SLC2A13: variants seen among roughly 807,000 people sequenced by gnomAD.
The protein encoded by SLC2A13 is proton myo-inositol cotransporter.
A neutral mutation model predicts 64.4 loss-of-function variants in SLC2A13; 32 were observed. The observed-to-expected ratio is 0.50, with a 90% CI of 0.37 to 0.67. SLC2A13 has a LOEUF of 0.67. SLC2A13 is among the 30% of genes least tolerant of loss of function. SLC2A13 has a pLI of 0.00. For synonymous variants in SLC2A13, 338 were observed against 327.1 expected, an observed-to-expected ratio of 1.03 and a Z score of -0.36; for missense variants, 743 against 829.2, an observed-to-expected ratio of 0.90 and a Z score of 1.28.
intron 1 of SLC2A13, among the ~76,000 whole-genome samples, chr12:40,066,732 G>A (rs542524970): frequency 1.3e-5 from 2 of 152,116 alleles, no homozygotes; most frequent in Non-Finnish European, 2.9e-5. Flanking sequence ...CATAAGAGGC[G>A]GAAGATTGCT....
intron 4 of SLC2A13, among the ~76,000 whole-genome samples, chr12:39,906,098 T>C (rs571249071): frequency 1.4e-5 from 2 of 146,460 alleles, no homozygotes; most frequent in Non-Finnish European, 1.5e-5. Context: ...AATTCACCTA[T>C]GTTGGACAAA....
chr12:39,855,119 C>G (rs192424351), intron 6 of SLC2A13, among the ~76,000 whole-genome samples: 2 of 152,272 alleles, frequency 1.3e-5, no homozygotes, highest in African/African-American at 4.8e-5. Flanking sequence ...TCTCCAAATA[C>G]CATTTACATT....
At chr12:39,998,158 G>A (rs1947263757) in intron 3 of SLC2A13, among the ~76,000 whole-genome samples, 1 of 151,980 alleles carries the variant, frequency 6.6e-6, no homozygotes, top group Admixed American at 6.6e-5. Context: ...AAGAAATTGT[G>A]GTATGTATAT....
At chr12:40,072,649 T>C (rs1600866) in intron 1 of SLC2A13, among the ~76,000 whole-genome samples, 61,883 of 151,964 alleles carry the variant, frequency 0.41, 12,872 homozygotes, top group African/African-American at 0.44. Flanking sequence ...CTGATAACTT[T>C]ACTTGCTCTG....
At chr12:40,031,381 C>A (rs1306003084) in intron 2 of SLC2A13, among the ~76,000 whole-genome samples, 1 of 152,160 alleles carries the variant, frequency 6.6e-6, no homozygotes, top group Non-Finnish European at 1.5e-5. Flanking sequence ...TGCCACCACG[C>A]CTGGCTAATT....
chr12:39,900,289 G>A (rs1277915521), intron 4 of SLC2A13, among the ~76,000 whole-genome samples: 1 of 152,124 alleles, frequency 6.6e-6, no homozygotes, highest in Non-Finnish European at 1.5e-5. Flanking sequence ...ACAAGACAGG[G>A]ATGCCCTCTC....
At chr12:39,954,550 G>A (rs532785885) in intron 3 of SLC2A13, among the ~76,000 whole-genome samples, 1 of 152,278 alleles carries the variant, frequency 6.6e-6, no homozygotes, top group South Asian at 2.1e-4. Context: ...AAAATCTGAA[G>A]CATACAAAAG....
intron 4 of SLC2A13, among the ~76,000 whole-genome samples, chr12:39,875,096 A>G (rs1280473744): frequency 6.6e-6 from 1 of 152,218 alleles, no homozygotes; most frequent in Non-Finnish European, 1.5e-5. Flanking sequence ...ATGACAAATT[A>G]CCACAAGGTT....
chr12:39,783,019 G>A (rs183038082), intron 7 of SLC2A13, among the ~76,000 whole-genome samples: 297 of 151,620 alleles, frequency 2.0e-3, no homozygotes, highest in African/African-American at 6.2e-3. Flanking sequence ...ATCCCTCCCC[G>A]CTCCCCCCAC....
At chr12:39,864,011 A>G (rs1238471169) in intron 6 of SLC2A13, among the ~76,000 whole-genome samples, 1 of 152,208 alleles carries the variant, frequency 6.6e-6, no homozygotes, top group African/African-American at 2.4e-5. Context: ...TTCTATCTAT[A>G]TGTTTTAAAG....
intron 3 of SLC2A13, among the ~76,000 whole-genome samples, chr12:39,977,211 G>A (rs1946777414): frequency 6.6e-6 from 1 of 152,128 alleles, no homozygotes; most frequent in Non-Finnish European, 1.5e-5. Context: ...TAATCCCATT[G>A]GGCAGATTAG....
chr12:40,081,805 A>C (rs1215854990), intron 1 of SLC2A13, among the ~76,000 whole-genome samples: 2 of 152,150 alleles, frequency 1.3e-5, no homozygotes, highest in Non-Finnish European at 2.9e-5. Context: ...TCTGTGTGAG[A>C]TGATGTTTCT....
At chr12:40,093,971 G>T (rs1313796830) in intron 1 of SLC2A13, among the ~76,000 whole-genome samples, 1 of 152,086 alleles carries the variant, frequency 6.6e-6, no homozygotes, top group Non-Finnish European at 1.5e-5. Context: ...AAAGCAGAGG[G>T]GTCAAGAAAA....
At chr12:39,985,909 C>T (rs561528520) in intron 3 of SLC2A13, among the ~76,000 whole-genome samples, 2 of 152,182 alleles carry the variant, frequency 1.3e-5, no homozygotes, top group East Asian at 3.9e-4. Flanking sequence ...TATAATAGTG[C>T]CATAAACTTA....
chr12:40,099,510 T>A (rs888679574), intron 1 of SLC2A13, among the ~76,000 whole-genome samples: 1 of 152,218 alleles, frequency 6.6e-6, no homozygotes. Flanking sequence ...TAACTTTGAG[T>A]GTGTTCTTAC....
chr12:40,045,457 G>A (rs1948155933), intron 2 of SLC2A13, among the ~76,000 whole-genome samples: 3 of 150,818 alleles, frequency 2.0e-5, no homozygotes, highest in African/African-American at 4.9e-5. Flanking sequence ...TTAATGCTAA[G>A]GTAGCACTTC....
chr12:40,061,589 G>A (rs957894215), intron 1 of SLC2A13, among the ~76,000 whole-genome samples: 2 of 152,028 alleles, frequency 1.3e-5, no homozygotes, highest in African/African-American at 4.8e-5. Flanking sequence ...GATGATTTAA[G>A]GTACACTGAA....
At chr12:39,827,810 T>C (rs1308108466) in intron 7 of SLC2A13, among the ~76,000 whole-genome samples, 3 of 152,192 alleles carry the variant, frequency 2.0e-5, no homozygotes, top group African/African-American at 7.2e-5. Flanking sequence ...TTTCATTATA[T>C]TGACAATTCA....
At chr12:39,783,543 A>T (rs1941075127) in intron 7 of SLC2A13, among the ~76,000 whole-genome samples, 1 of 152,122 alleles carries the variant, frequency 6.6e-6, no homozygotes. Context: ...TTGTTTCCTG[A>T]CTTTTTAATG....
Sources: allele counts gnomAD v4.1 joint callset (sites outside exome capture counted in the v4.1 genomes callset), GRCh38; gene constraint gnomAD v4.1.1; transcripts MANE v1.5; gene names NCBI Gene and HGNC (gene_info 2026-07-23, HGNC 2026-07-21).